Variants in TSPAN32 observed in about 807,000 individuals in gnomAD.
The protein encoded by TSPAN32 is tetraspanin 32.
TSPAN32 carries 47 observed loss-of-function variants against 42.7 expected under a neutral mutation model. That is an observed-to-expected ratio of 1.10 (90% CI 0.87 to 1.40). The LOEUF (loss-of-function observed/expected upper bound fraction) is 1.40, where lower values mean the gene tolerates loss of function less well. TSPAN32 is among the 40% of genes most tolerant of loss of function. TSPAN32 has a pLI of 0.00. For synonymous variants in TSPAN32, 175 were observed against 175.9 expected (o/e 0.99, Z 0.04); for missense variants, 469 against 424.1 (o/e 1.11, Z -0.93).
At position 2,304,647 on chromosome 11, in the gene TSPAN32, G is replaced by C. The variant is rs569408726; in HGVS notation, c.279+443G>C. Among the ~76,000 whole-genome samples the C allele has an allele frequency of 1.9e-3, 286 of 152,116 alleles. 1 individual carries two copies. The highest frequency in any genetic ancestry group is 2.7e-3 in the Non-Finnish European group (182 of 67,954). ...GGAGGCCGGGCCAGGCTCAGGAAAC[G>C]CCCCTTGAGCTCTCCAGCCTGGGCT... On this transcript the variant is annotated intron_variant, in intron 3 of 9. Coordinates refer to ENST00000182290, the MANE Select transcript of TSPAN32 (RefSeq NM_139022.3). The surrounding 1 kb of genome is among the most constrained non-coding windows in gnomAD (Gnocchi z 4.8).
At chr11:2,316,550 G>A in intron 7 of TSPAN32, 26 bp from the exon 8 acceptor site, 1 of 1,602,576 alleles carries the variant, frequency 6.2e-7, no homozygotes, top group Non-Finnish European at 8.5e-7. Flanking sequence ...GGGGCAGTGG[G>A]GCAGCCGCGG....
At position 2,313,837 on chromosome 11, in the gene TSPAN32, T is replaced by A; in HGVS notation, c.456+82T>A. On this transcript the variant is annotated intron_variant, in intron 5 of 9. Coordinates refer to ENST00000182290, the MANE Select transcript of TSPAN32 (RefSeq NM_139022.3). This position sits in a 1 kb window ranked among gnomAD's most constrained non-coding sequence, Gnocchi z 9.1. ...CAGAGAACAGGCGCAGGGTGGCCAG[T>A]GAGAGGTCTGGCCAGGCACCGAGGG... The A allele has an allele frequency of 1.7e-6, 2 of 1,159,852 alleles. No homozygotes were observed. Among genetic ancestry groups the A allele is most frequent in the East Asian group, 2.6e-5 (1 of 38,532 alleles). The allele number at this position is 1,159,852 out of a possible 1,614,324, so 71.8% of individuals were successfully genotyped here. A position where few individuals can be genotyped will look rare whatever the true frequency, so the allele number is the denominator to read the frequency against.
chr11:2,302,621 C>T (rs921894726), intron 1 of TSPAN32: 17 of 576,648 alleles, frequency 2.9e-5, no homozygotes, highest in Middle Eastern at 9.1e-4. Flanking sequence ...CTGGGCTGTG[C>T]GTGTATGCGT....
Position 2,316,615 on chromosome 11 carries a change from A to T in TSPAN32, c.667A>T (p.Ile223Phe). Residue 223 changes from isoleucine (I) to phenylalanine (F), a missense_variant, in exon 8 of 10, where the codon ATC (isoleucine) becomes TTC (phenylalanine). Ile to Phe is a conservative substitution (Grantham distance 21). Transcript: ENST00000182290. ...CTTCAGCTCCTTCCTGTGGTTTGCCATCCGCTGTGGCTGCAGCTTGGACCG... is the reference window on the plus strand; with the variant it reads ...CTTCAGCTCCTTCCTGTGGTTTGCCTTCCGCTGTGGCTGCAGCTTGGACCG... Reference protein sequence around the residue: ...LLFSSFLWFAIRCGCSLDRKG... With the variant: ...LLFSSFLWFAFRCGCSLDRKG... The T allele has an allele frequency of 6.4e-7, 1 of 1,551,168 alleles. No homozygotes were observed. The highest frequency in any genetic ancestry group is 8.7e-7 in the Non-Finnish European group (1 of 1,146,454).
intron 5 of TSPAN32, among the ~76,000 whole-genome samples, chr11:2,314,162 T>TAAA (rs34185560): frequency 0.015 from 2,096 of 137,636 alleles, 55 homozygotes; most frequent in African/African-American, 0.054. Context: ...GTCTCTACTT[T>TAAA]AAAAAAAAAA....
chr11:2,314,197 C>A (rs976652333), intron 5 of TSPAN32, among the ~76,000 whole-genome samples: 4 of 151,430 alleles, frequency 2.6e-5, no homozygotes, highest in African/African-American at 7.3e-5. Context: ...AAAATAAAAG[C>A]ACATACAGCG....
chr11:2,307,140 C>A (rs963881962), intron 3 of TSPAN32: 1 of 152,476 alleles, frequency 6.6e-6, no homozygotes, highest in Non-Finnish European at 1.5e-5. Context: ...CATGAGGAGC[C>A]GCCAGCGCCC....
chr11:2,310,040 G>C (rs1172086989), intron 4 of TSPAN32: 1 of 152,660 alleles, frequency 6.6e-6, no homozygotes, highest in Non-Finnish European at 1.5e-5. Context: ...CTGTGGCTTT[G>C]AGGACTGGCA....
At position 2,304,672 on chromosome 11, in the gene TSPAN32, T is replaced by A. The variant is rs1847972263; in HGVS notation, c.279+468T>A. On this transcript the variant is annotated intron_variant, in intron 3 of 9. Transcript: ENST00000182290. The surrounding 1 kb of genome is among the most constrained non-coding windows in gnomAD (Gnocchi z 4.8). ...GCCCCTTGAGCTCTCCAGCCTGGGC[T>A]CTCCGGAGCTGCACACTCTCCTTCC... is the stretch of plus-strand genomic sequence containing the variant. Among the ~76,000 whole-genome samples, 1 of 151,952 alleles carries A rather than the reference T, an allele frequency of 6.6e-6. No individual in the cohort carries two copies. The highest frequency in any genetic ancestry group is 2.1e-4 in the South Asian group (1 of 4,820).
Position 2,317,221 on chromosome 11 carries a change from T to A in TSPAN32, c.720-123T>A. 1.3e-6 allele frequency: 1 copy of A among 747,870 alleles called. No homozygotes were observed. The highest frequency in any genetic ancestry group is 1.8e-5 in the South Asian group (1 of 56,348). 46.3% of individuals were successfully genotyped at this position (747,870 alleles called of 1,614,324 possible). ...TCCCCCTAGAACATTCCACAGCAGC[T>A]CCATAATCCCCTCCAGAACATTCTG... On this transcript the variant is annotated intron_variant, in intron 8 of 9. Transcript: ENST00000182290. This position sits in a 1 kb window ranked among gnomAD's most constrained non-coding sequence, Gnocchi z 6.2.
intron 4 of TSPAN32, chr11:2,309,215 G>C: frequency 2.5e-6 from 1 of 407,202 alleles, no homozygotes; most frequent in South Asian, 1.7e-5. Flanking sequence ...TGAGACCTGA[G>C]GGCCAGCGCT....
rs1848733868 is a variant in TSPAN32, at chr11:2,315,518, A to G, written c.544-711A>G. ...ATGGCAGGGCCATGGGCCCGACTGC[A>G]AAGCCTCCTGGGGAGCCGGAAGAGC... On this transcript the variant is annotated intron_variant, in intron 6 of 9. Coordinates refer to ENST00000182290, the MANE Select transcript of TSPAN32 (RefSeq NM_139022.3). The G allele has an allele frequency of 5.2e-6, 6 of 1,157,842 alleles. No homozygotes were observed. In the South Asian group the frequency reaches 7.2e-5, roughly 14 times the overall value. The allele number at this position is 1,157,842 out of a possible 1,614,324, so 71.7% of individuals were successfully genotyped here.
Position 2,314,591 on chromosome 11 carries a change from G to C in TSPAN32, c.543+20G>C. ...AGAGAGGTGAGGGGGGGACCTGGAT[G>C]CTGGCCAGGCAAGACCCTCGGGGGC... On this transcript the variant is annotated intron_variant, in intron 6 of 9. Coordinates refer to ENST00000182290, the MANE Select transcript of TSPAN32 (RefSeq NM_139022.3). The C allele has an allele frequency of 6.3e-7, 1 of 1,587,130 alleles. No homozygotes were observed. Among genetic ancestry groups the C allele is most frequent in the Non-Finnish European group, 8.6e-7 (1 of 1,164,492 alleles).
chr11:2,305,373 C>CCA (rs1554938605), intron 3 of TSPAN32, among the ~76,000 whole-genome samples: 1 of 149,126 alleles, frequency 6.7e-6, no homozygotes, highest in African/African-American at 2.5e-5. Context: ...GTAGTCTGCC[C>CCA]CCCCCCCCAG....
intron 3 of TSPAN32, among the ~76,000 whole-genome samples, chr11:2,305,656 C>T (rs529495381): frequency 4.6e-5 from 7 of 152,358 alleles, no homozygotes; most frequent in South Asian, 2.1e-4. Context: ...GTGGCCAAGG[C>T]GGTCAGGGAG....
chr11:2,315,884 C>G, intron 6 of TSPAN32: 1 of 1,434,474 alleles, frequency 7.0e-7, no homozygotes, highest in Non-Finnish European at 9.3e-7. Flanking sequence ...GTGCCCGGCC[C>G]TGGGCTGGAT....
rs562530820 is a variant in TSPAN32, at chr11:2,304,835, C to T, written c.279+631C>T. On this transcript the variant is annotated intron_variant, in intron 3 of 9. Transcript: ENST00000182290. The surrounding 1 kb of genome is among the most constrained non-coding windows in gnomAD (Gnocchi z 4.8). ...TTGGTCCCTGCCACTCGATGGTCAT[C>T]GCAGACCCCACCTGGCGGCAGCCTC... 2.6e-5 allele frequency among the ~76,000 whole-genome samples: 4 copies of T among 152,124 alleles called. No homozygotes were observed. Among genetic ancestry groups the T allele is most frequent in the South Asian group, 2.1e-4 (1 of 4,814 alleles).
intron 6 of TSPAN32, 40 bp downstream of exon 6, chr11:2,314,611 G>T: frequency 6.5e-7 from 1 of 1,537,716 alleles, no homozygotes; most frequent in South Asian, 1.2e-5. Context: ...CAAGACCCTC[G>T]GGGGCTGGAC....
At position 2,313,655 on chromosome 11, in the gene TSPAN32, T is replaced by C; in HGVS notation, c.356T>C (p.Val119Ala). 4 of 1,601,442 alleles carry C rather than the reference T, an allele frequency of 2.5e-6. No individual in the cohort carries two copies. The highest frequency in any genetic ancestry group is 3.4e-6 in the Non-Finnish European group (4 of 1,174,868). Residue 119 changes from valine to alanine, a missense_variant and splice_region_variant, in exon 5 of 10, where the codon GTG becomes GCG. Physicochemically the swap from Val to Ala is moderately conservative, Grantham distance 64. Coordinates refer to ENST00000182290, the MANE Select transcript of TSPAN32 (RefSeq NM_139022.3). The surrounding 1 kb of genome is among the most constrained non-coding windows in gnomAD (Gnocchi z 9.1). The stretch of plus-strand genomic sequence containing the variant: ...CCTCCCTGTGGTCTCTCGGTGCAGG[T>C]GGAGGACGCCATGCTGGACACCTAC... Reference protein sequence around the residue: ...VFWRLHSPTQVEDAMLDTYDL... With the variant: ...VFWRLHSPTQAEDAMLDTYDL...
Sources: allele counts gnomAD v4.1 joint callset (sites outside exome capture counted in the v4.1 genomes callset), GRCh38; gene constraint gnomAD v4.1.1; non-coding constraint Gnocchi (gnomAD v3.1); transcripts MANE v1.5; gene names NCBI Gene and HGNC (gene_info 2026-07-23, HGNC 2026-07-21).